Variants in JARID2 observed in about 807,000 individuals in gnomAD.
JARID2 encodes the protein jumonji and AT-rich interaction domain containing 2.
A neutral mutation model predicts 125.6 loss-of-function variants in JARID2; 21 were observed. That is an observed-to-expected ratio of 0.17 (90% CI 0.12 to 0.24). The LOEUF (loss-of-function observed/expected upper bound fraction) is 0.24, where lower values mean the gene tolerates loss of function less well. JARID2 is among the 10% of genes least tolerant of loss of function. The pLI is 1.00. For missense variants in JARID2, 1,303 were observed against 1,639.6 expected (o/e 0.79, Z 3.55); for synonymous variants, 736 against 661.6 (o/e 1.11, Z -1.73).
At chr6:15,248,961 C>T (rs1278048694) in intron 1 of JARID2, 1 of 985,586 alleles carries the variant, frequency 1.0e-6, no homozygotes, top group Non-Finnish European at 1.2e-6. Context: ...GCGCTTCCCA[C>T]CAGGTGAGGG....
rs190824191 is a variant in JARID2, at chr6:15,454,615, C to A, written c.493+2440C>A. 2.5e-4 allele frequency among the ~76,000 whole-genome samples: 38 copies of A among 151,664 alleles called. No homozygotes were observed. The South Asian group carries it at 7.1e-3, about 28-fold the overall frequency. ...GCCTCAACCTCTCCAATAGCTAGAC[C>A]TACAGGCGCAGGCAACCACACCCAG... On this transcript the variant is annotated intron_variant, in intron 4 of 17. Transcript: ENST00000341776.
chr6:15,513,594 C>G (rs1422481075), intron 16 of JARID2, among the ~76,000 whole-genome samples, 172 bp downstream of exon 16: 2 of 152,248 alleles, frequency 1.3e-5, no homozygotes, highest in Non-Finnish European at 2.9e-5. Flanking sequence ...AGGTGGCTGC[C>G]TCACCCACAG....
At position 15,468,536 on chromosome 6, in the gene JARID2, C is replaced by T; in HGVS notation, c.494-6C>T. The T allele has an allele frequency of 1.2e-6, 2 of 1,606,788 alleles. No homozygotes were observed. Among genetic ancestry groups the T allele is most frequent in the Non-Finnish European group, 1.7e-6 (2 of 1,176,090 alleles). On this transcript the variant is annotated splice_region_variant and splice_polypyrimidine_tract_variant and intron_variant, in intron 4 of 17. Coordinates refer to ENST00000341776, the MANE Select transcript of JARID2 (RefSeq NM_004973.4). ...TGTTTATGAGCTGTTTTTCTTATTC[C>T]ACCAGGTTCTCCTGCGCTGCCCAAC...
chr6:15,453,086 G>A (rs189169132), intron 4 of JARID2, among the ~76,000 whole-genome samples: 52 of 152,304 alleles, frequency 3.4e-4, no homozygotes, highest in African/African-American at 1.0e-3. Flanking sequence ...ATACATTAGT[G>A]TGTCTTTCCT....
intron 1 of JARID2, among the ~76,000 whole-genome samples, chr6:15,305,797 TTATGTATTAACTGTTTAAA>T (rs1405330348): frequency 2.6e-5 from 4 of 152,214 alleles, no homozygotes; most frequent in African/African-American, 9.6e-5. Flanking sequence ...GAGAGATGTA[TTATGTATTAACTGTTTAAA>T]TAAAGTCCTG....
chr6:15,334,059 T>C (rs913255683), intron 1 of JARID2, among the ~76,000 whole-genome samples: 2 of 152,150 alleles, frequency 1.3e-5, no homozygotes, highest in African/African-American at 4.8e-5. Context: ...GAGGGCTTGC[T>C]CAGTACATGC....
Position 15,503,180 on chromosome 6 carries a change from C to A in JARID2, c.2449-1320C>A, listed in dbSNP as rs76277073. Among the ~76,000 whole-genome samples, 13 of 152,304 alleles carry A rather than the reference C, an allele frequency of 8.5e-5. No homozygotes were observed. In the East Asian group the frequency reaches 2.5e-3, roughly 29 times the overall value. ...TGCCCACGGGTAGGGACCGTGAGCA[C>A]GCAACTCTCTGTGGCACCGGTGTCC... On this transcript the variant is annotated intron_variant, in intron 8 of 17. Coordinates refer to ENST00000341776, the MANE Select transcript of JARID2 (RefSeq NM_004973.4).
chr6:15,272,132 C>T lies in JARID2; in HGVS notation c.45+25548C>T, dbSNP rs9396577. 4.8e-3 allele frequency among the ~76,000 whole-genome samples: 729 copies of T among 152,180 alleles called. 35 individuals carry two copies. In the East Asian group the frequency reaches 0.12, roughly 25 times the overall value. On this transcript the variant is annotated intron_variant, in intron 1 of 17. Transcript: ENST00000341776. The stretch of plus-strand genomic sequence containing the variant: ...AGAGTTAGACTCTGTCTCAAAAAAA[C>T]GAAAAAACAGCAGAAAAACAAAAAA...
chr6:15,475,542 T>C (rs1042931297), intron 5 of JARID2, among the ~76,000 whole-genome samples: 1 of 152,172 alleles, frequency 6.6e-6, no homozygotes, highest in African/African-American at 2.4e-5. Context: ...ATAAACCCAC[T>C]AGCCCCACAT....
At chr6:15,325,594 T>TTGATTTCACCAGAGTAAAGAGGATC (rs1762510687) in intron 1 of JARID2, among the ~76,000 whole-genome samples, 1 of 152,166 alleles carries the variant, frequency 6.6e-6, no homozygotes, top group Admixed American at 6.5e-5. Flanking sequence ...ACTTGGGACT[T>TTGATTTCACCAGAGTAAAGAGGATC]TGATTTCACC....
At chr6:15,281,611 A>G (rs941817333) in intron 1 of JARID2, among the ~76,000 whole-genome samples, 4 of 152,244 alleles carry the variant, frequency 2.6e-5, no homozygotes, top group Admixed American at 6.5e-5. Context: ...GCCTATTTAT[A>G]TAAATGGAAT....
intron 16 of JARID2, among the ~76,000 whole-genome samples, chr6:15,514,725 G>C (rs1328871832): frequency 6.6e-6 from 1 of 152,124 alleles, no homozygotes; most frequent in Admixed American, 6.5e-5. Flanking sequence ...AAATCACATT[G>C]TATCAGATAG....
chr6:15,404,543 ACACACAC>A (rs1561840135), intron 2 of JARID2, among the ~76,000 whole-genome samples: 12 of 149,976 alleles, frequency 8.0e-5, no homozygotes, highest in African/African-American at 2.7e-4. Context: ...ACACACACAC[ACACACAC>A]ACACACACAC....
At chr6:15,503,576 T>C (rs1009992004) in intron 8 of JARID2, among the ~76,000 whole-genome samples, 1 of 152,034 alleles carries the variant, frequency 6.6e-6, no homozygotes, top group Non-Finnish European at 1.5e-5. Flanking sequence ...TCCCATCCCA[T>C]ATTTGTGTGT....
intron 1 of JARID2, among the ~76,000 whole-genome samples, chr6:15,299,108 C>G (rs1370342484): frequency 1.3e-5 from 2 of 152,064 alleles, no homozygotes; most frequent in Non-Finnish European, 2.9e-5. Flanking sequence ...AGGAAAGAAA[C>G]CTGGCTATCT....
At chr6:15,344,323 C>T (rs761487938) in intron 1 of JARID2, among the ~76,000 whole-genome samples, 24 of 151,890 alleles carry the variant, frequency 1.6e-4, no homozygotes, top group Admixed American at 1.6e-3. Flanking sequence ...AAAGCACACT[C>T]TGGCATATAG....
chr6:15,513,260 C>G lies in JARID2; in HGVS notation c.3288C>G (p.Arg1096=). 1.3e-6 allele frequency: 2 copies of G among 1,573,862 alleles called. No homozygotes were observed. Among genetic ancestry groups the G allele is most frequent in the Non-Finnish European group, 1.7e-6 (2 of 1,158,518 alleles). Residue 1096 remains arginine (R), a synonymous_variant, in exon 16 of 18, where the codon CGC becomes CGG. Transcript: ENST00000341776. Reference sequence around the variant, plus strand: ...GCAGGGATACAGAGCTGCGGCAGCGCAGGCAGCTGTTCGAGGCTGGCCTCC... The same window carrying G: ...GCAGGGATACAGAGCTGCGGCAGCGGAGGCAGCTGTTCGAGGCTGGCCTCC... ...DELRDTELRQ[R]RQLFEAGLHS... is the part of the protein sequence containing the mutation.
intron 1 of JARID2, chr6:15,248,947 C>T (rs903447849): frequency 2.5e-5 from 25 of 985,526 alleles, no homozygotes; most frequent in Admixed American, 6.2e-5. Context: ...CGCTCCGGAG[C>T]GTCGCGCTTC....
At position 15,491,986 on chromosome 6, in the gene JARID2, GC is replaced by G. The variant is rs1242448493; in HGVS notation, c.907-4144del. Among the ~76,000 whole-genome samples the G allele has an allele frequency of 2.6e-5, 4 of 152,304 alleles. No homozygotes were observed. In the East Asian group the frequency reaches 7.7e-4, roughly 29 times the overall value. On this transcript the variant is annotated intron_variant, in intron 6 of 17. Transcript: ENST00000341776. ...AGGTATTGTTGCCAGTACTCATCTG[GC>G]CGAACGTAACTTGAAAATGCTCTCA...
Sources: allele counts gnomAD v4.1 joint callset (sites outside exome capture counted in the v4.1 genomes callset), GRCh38; gene constraint gnomAD v4.1.1; transcripts MANE v1.5; gene names NCBI Gene and HGNC (gene_info 2026-07-23, HGNC 2026-07-21).